ASIC2: variants seen among roughly 807,000 people sequenced by gnomAD.
ASIC2 encodes acid-sensing ion channel 2.
In ASIC2, 25 loss-of-function variants were observed where a neutral mutation model predicts 57.3. The observed-to-expected ratio is 0.44, with a 90% CI of 0.32 to 0.61. ASIC2 has a LOEUF of 0.61. ASIC2 is among the 20% of genes least tolerant of loss of function. The pLI is 0.06. For missense variants in ASIC2, 641 were observed against 738.1 expected (o/e 0.87, Z 1.52); for synonymous variants, 319 against 307.5 (o/e 1.04, Z -0.39).
chr17:33,813,843 G>T (rs1912499619), intron 1 of ASIC2, among the ~76,000 whole-genome samples: 1 of 152,164 alleles, frequency 6.6e-6, no homozygotes, highest in Non-Finnish European at 1.5e-5. Flanking sequence ...AAGAATAGTT[G>T]CTGCCTGGGA....
At chr17:33,775,055 A>G (rs892385348) in intron 1 of ASIC2, among the ~76,000 whole-genome samples, 2 of 152,192 alleles carry the variant, frequency 1.3e-5, no homozygotes, top group African/African-American at 4.8e-5. Context: ...AAAGCCATGG[A>G]GTGACCTGAG....
At position 34,112,224 on chromosome 17, in the gene ASIC2, A is replaced by G. The variant is rs950299020; in HGVS notation, c.555+43754T>C. Among the ~76,000 whole-genome samples, 8 of 152,152 alleles carry G rather than the reference A, an allele frequency of 5.3e-5. No homozygotes were observed. In the East Asian group the frequency reaches 1.3e-3, roughly 26 times the overall value. On this transcript the variant is annotated intron_variant, in intron 1 of 9. Coordinates refer to the ASIC2 transcript ENST00000359872. ...CTGAGCAACTTCCCTATAATCTCTGAGCCTCAGTCTTTTTCATTTGTAAAA... is the reference window on the plus strand; with the variant it reads ...CTGAGCAACTTCCCTATAATCTCTGGGCCTCAGTCTTTTTCATTTGTAAAA...
intron 1 of ASIC2, among the ~76,000 whole-genome samples, chr17:33,596,429 A>G (rs1217887299): frequency 6.6e-6 from 1 of 152,216 alleles, no homozygotes; most frequent in East Asian, 1.9e-4. Flanking sequence ...AAACAAACCA[A>G]TTTTGATATA....
chr17:33,308,546 T>C (rs1224062081), intron 1 of ASIC2, among the ~76,000 whole-genome samples: 1 of 152,222 alleles, frequency 6.6e-6, no homozygotes, highest in East Asian at 1.9e-4. Context: ...AAATTCTGGT[T>C]CTAGAGCCTT....
At chr17:33,051,689 A>G (rs2091977204) in intron 3 of ASIC2, among the ~76,000 whole-genome samples, 3 of 152,194 alleles carry the variant, frequency 2.0e-5, no homozygotes, top group African/African-American at 7.2e-5. Flanking sequence ...AAATAGGAAT[A>G]CCATTCTTCA....
intron 1 of ASIC2, among the ~76,000 whole-genome samples, chr17:33,633,520 A>G (rs1906245652): frequency 6.6e-6 from 1 of 152,182 alleles, no homozygotes; most frequent in Non-Finnish European, 1.5e-5. Context: ...GGGTTGCTGG[A>G]GTTGACATGC....
At position 33,849,252 on chromosome 17, in the gene ASIC2, C is replaced by T. The variant is rs537908721; in HGVS notation, c.555+306726G>A. ...ACTGGGATCCTGGAAGCACAGAGGGCCATGAGAACCCAGGGGAAGAGCAAG... is the reference window on the plus strand; with the variant it reads ...ACTGGGATCCTGGAAGCACAGAGGGTCATGAGAACCCAGGGGAAGAGCAAG... On this transcript the variant is annotated intron_variant, in intron 1 of 9. Transcript: ENST00000359872. Among the ~76,000 whole-genome samples, 5 of 152,242 alleles carry T rather than the reference C, an allele frequency of 3.3e-5. No homozygotes were observed. In the East Asian group the frequency reaches 9.7e-4, roughly 29 times the overall value.
At chr17:33,883,365 C>A (rs1371273244) in intron 1 of ASIC2, among the ~76,000 whole-genome samples, 1 of 152,190 alleles carries the variant, frequency 6.6e-6, no homozygotes, top group Non-Finnish European at 1.5e-5. Context: ...CACCATCCAA[C>A]CAATTAGCTT....
chr17:33,281,346 G>T (rs1053216509), intron 1 of ASIC2, among the ~76,000 whole-genome samples: 2 of 152,134 alleles, frequency 1.3e-5, no homozygotes, highest in Non-Finnish European at 2.9e-5. Flanking sequence ...AAGAATTGAG[G>T]GGAATCACCT....
intron 1 of ASIC2, among the ~76,000 whole-genome samples, chr17:34,148,508 A>C (rs1350769932): frequency 2.6e-5 from 4 of 152,172 alleles, no homozygotes; most frequent in Admixed American, 6.5e-5. Context: ...AAAATCATCT[A>C]TTTTGCATTA....
Position 33,610,054 on chromosome 17 carries a change from G to GCGCACACA in ASIC2, c.556-497988_556-497987insTGTGTGCG, listed in dbSNP as rs375575593. ...CTTCACTGGGACCCTGGACAGAGGC[G>GCGCACACA]CACACACACACACACACACACACAC... is the stretch of plus-strand genomic sequence containing the variant. On this transcript the variant is annotated intron_variant, in intron 1 of 9. Coordinates refer to the ASIC2 transcript ENST00000359872. 9.0e-3 allele frequency among the ~76,000 whole-genome samples: 1,297 copies of GCGCACACA among 144,838 alleles called. 14 individuals are homozygous for GCGCACACA. Among genetic ancestry groups the GCGCACACA allele is most frequent in the Middle Eastern group, 0.039 (11 of 280 alleles).
intron 1 of ASIC2, among the ~76,000 whole-genome samples, chr17:33,852,036 C>T (rs1913781464): frequency 6.6e-6 from 1 of 152,226 alleles, no homozygotes; most frequent in Non-Finnish European, 1.5e-5. Flanking sequence ...TACTCAGTGA[C>T]TCAGGCCTGC....
At chr17:33,996,140 G>A (rs1357988552) in intron 1 of ASIC2, among the ~76,000 whole-genome samples, 1 of 151,950 alleles carries the variant, frequency 6.6e-6, no homozygotes, top group Non-Finnish European at 1.5e-5. Flanking sequence ...TAGGCCATTT[G>A]TATGTATTCC....
intron 1 of ASIC2, among the ~76,000 whole-genome samples, chr17:33,624,474 T>C (rs947041055): frequency 6.6e-6 from 1 of 152,232 alleles, no homozygotes; most frequent in East Asian, 1.9e-4. Context: ...GTCCAGCTGG[T>C]ACTGCACTTG....
At chr17:33,852,007 G>C (rs1282092071) in intron 1 of ASIC2, among the ~76,000 whole-genome samples, 1 of 152,208 alleles carries the variant, frequency 6.6e-6, no homozygotes, top group African/African-American at 2.4e-5. Flanking sequence ...GGATGAAAGG[G>C]ACCATTCCGT....
At chr17:34,124,363 T>C (rs547839262) in intron 1 of ASIC2, among the ~76,000 whole-genome samples, 1 of 152,268 alleles carries the variant, frequency 6.6e-6, no homozygotes, top group East Asian at 1.9e-4. Flanking sequence ...ATTTTAAAAA[T>C]TCAAAATACT....
intron 1 of ASIC2, among the ~76,000 whole-genome samples, chr17:33,724,175 C>T (rs1321629710): frequency 6.6e-6 from 1 of 152,184 alleles, no homozygotes; most frequent in Non-Finnish European, 1.5e-5. Context: ...TGCCGGCTGC[C>T]ATATAAGACA....
intron 1 of ASIC2, among the ~76,000 whole-genome samples, chr17:33,338,015 G>C (rs544938934): frequency 4.5e-4 from 68 of 151,702 alleles, no homozygotes; most frequent in African/African-American, 1.6e-3. Context: ...AGGTGGAAGT[G>C]TTCCTTCTAA....
At chr17:33,677,474 C>A (rs1331178073) in intron 1 of ASIC2, among the ~76,000 whole-genome samples, 1 of 152,122 alleles carries the variant, frequency 6.6e-6, no homozygotes, top group African/African-American at 2.4e-5. Context: ...TAGTAATTCC[C>A]CTGATGAATC....
Sources: gnomAD v4.1 joint callset for allele counts (sites outside exome capture counted in the v4.1 genomes callset) on GRCh38, gnomAD v4.1.1 for gene constraint, MANE v1.5 for transcripts, NCBI Gene and HGNC (gene_info 2026-07-23, HGNC 2026-07-21) for gene names.